The following ZFP1 variants were observed in gnomAD, a reference collection of about 807,000 sequenced individuals.
The protein encoded by ZFP1 is zinc finger protein 1 homolog.
ZFP1 carries 32 observed loss-of-function variants against 38.5 expected under a neutral mutation model. The ratio of observed to expected loss-of-function variants is 0.83; its 90% CI spans 0.63 to 1.12. The LOEUF is 1.12. ZFP1 is among the 50% of genes most tolerant of loss of function. The pLI is 0.00. For missense variants in ZFP1, 616 were observed against 480.8 expected (o/e 1.28, Z -2.63); for synonymous variants, 245 against 168.8 (o/e 1.45, Z -3.50).
At chr16:75,145,645 T>C (rs1158555568), upstream of ZFP1, among the ~76,000 whole-genome samples, 1 of 152,070 alleles carries the variant, frequency 6.6e-6, no homozygotes, top group East Asian at 1.9e-4. Flanking sequence ...GAAGAAGCAA[T>C]TGAGCATTGA....
chr16:75,139,378 A>AC, the ZFP1 span, among the ~76,000 whole-genome samples: 5 of 139,868 alleles, frequency 3.6e-5, 1 homozygote, highest in African/African-American at 1.6e-4. Context: ...CAAAAAAAAA[A>AC]AAAAAAAAAA....
At chr16:75,140,026 T>C in the ZFP1 span, among the ~76,000 whole-genome samples, 2 of 152,126 alleles carry the variant, frequency 1.3e-5, no homozygotes, top group African/African-American at 4.8e-5. Flanking sequence ...CCTCCCATTT[T>C]GGGAAGCCAA....
chr16:75,124,697 G>A, the ZFP1 span, among the ~76,000 whole-genome samples: 5 of 148,440 alleles, frequency 3.4e-5, no homozygotes, highest in East Asian at 1.0e-3. Flanking sequence ...TGAGGCAGGA[G>A]AATGGCATGA....
At chr16:75,138,900 A>G in the ZFP1 span, among the ~76,000 whole-genome samples, 1 of 152,190 alleles carries the variant, frequency 6.6e-6, no homozygotes, top group African/African-American at 2.4e-5. Context: ...CTTTGTGATG[A>G]CAGCTCTAGG....
At chr16:75,155,409 T>TGG (rs1476124999) in intron 2 of ZFP1, among the ~76,000 whole-genome samples, 1 of 152,216 alleles carries the variant, frequency 6.6e-6, no homozygotes, top group Non-Finnish European at 1.5e-5. Flanking sequence ...GTGCTGGCAT[T>TGG]ACAGGTGTGA....
At chr16:75,167,004 C>G (rs2038125098) in intron 3 of ZFP1, 108 bp downstream of exon 3, 5 of 1,515,044 alleles carry the variant, frequency 3.3e-6, no homozygotes, top group Non-Finnish European at 4.4e-6. Context: ...TGGCCTAAGT[C>G]CTCAGGTATT....
At chr16:75,159,391 C>G (rs1398643712) in intron 2 of ZFP1, among the ~76,000 whole-genome samples, 1 of 58,792 alleles carries the variant, frequency 1.7e-5, no homozygotes, top group African/African-American at 5.7e-5. Context: ...CTTCCTTTCT[C>G]TCTCTCTCTC....
intron 2 of ZFP1, chr16:75,166,553 A>T: frequency 1.0e-6 from 1 of 985,250 alleles, no homozygotes. Flanking sequence ...AATCTGAGAC[A>T]CCTATCAAAT....
intron 2 of ZFP1, chr16:75,166,424 C>G (rs528252687): frequency 2.6e-6 from 1 of 382,154 alleles, no homozygotes; most frequent in Non-Finnish European, 3.6e-6. Flanking sequence ...TGGGATTTCA[C>G]CATGTTGTCC....
At chr16:75,148,783 G>C (rs1319805240) in intron 1 of ZFP1, 140 bp downstream of exon 1, 1 of 152,280 alleles carries the variant, frequency 6.6e-6, no homozygotes, top group Non-Finnish European at 1.5e-5. Context: ...GCGGCGTCCG[G>C]GGTTGCCCGG....
chr16:75,170,580 C>T lies in ZFP1; in HGVS notation c.*246C>T, dbSNP rs2038371552. 2.3e-6 allele frequency: 1 copy of T among 435,650 alleles called. No homozygotes were observed. Among genetic ancestry groups the T allele is most frequent in the Non-Finnish European group, 3.8e-6 (1 of 262,850 alleles). The allele number at this position is 435,650 out of a possible 1,614,324, so 27.0% of individuals were successfully genotyped here. ...CCATACCCAGTTGTACTACAATGAG[C>T]TTTTTAAAATCTTGAATGAATTGAG... On this transcript the variant is annotated 3_prime_UTR_variant, in exon 4 of 4. Coordinates refer to ENST00000570010, the MANE Select transcript of ZFP1 (RefSeq NM_153688.4).
At position 75,171,309 on chromosome 16, in the gene ZFP1, G is replaced by A. The variant is rs1597096388; in HGVS notation, c.*975G>A. Reference sequence around the variant, plus strand: ...TAGTTCACAAATGTTACATTTCAGAGACTTTAGAGGAAAAATTATTTTAAA... The same window carrying A: ...TAGTTCACAAATGTTACATTTCAGAAACTTTAGAGGAAAAATTATTTTAAA... On this transcript the variant is annotated 3_prime_UTR_variant, in exon 4 of 4. Coordinates refer to ENST00000570010, the MANE Select transcript of ZFP1 (RefSeq NM_153688.4). 2.0e-5 allele frequency: 3 copies of A among 152,246 alleles called. No individual in the cohort carries two copies. In the South Asian group the frequency reaches 6.2e-4, roughly 32 times the overall value. The allele number at this position is 152,246 out of a possible 1,614,324, so 9.4% of individuals were successfully genotyped here. A position where few individuals can be genotyped will look rare whatever the true frequency, so the allele number is the denominator to read the frequency against.
At chr16:75,165,342 T>C (rs564249428) in intron 2 of ZFP1, among the ~76,000 whole-genome samples, 2 of 152,296 alleles carry the variant, frequency 1.3e-5, no homozygotes, top group Admixed American at 6.5e-5. Context: ...ATTGTTTTTG[T>C]TGAGAAATTA....
chr16:75,154,179 G>A (rs1000068594), intron 2 of ZFP1, among the ~76,000 whole-genome samples: 9 of 151,768 alleles, frequency 5.9e-5, no homozygotes, highest in Admixed American at 1.3e-4. Context: ...AGCTGAGATC[G>A]CGCCACTGAA....
the ZFP1 span, among the ~76,000 whole-genome samples, chr16:75,121,323 C>T: frequency 3.9e-4 from 60 of 151,986 alleles, no homozygotes; most frequent in Middle Eastern, 3.4e-3. Flanking sequence ...GACGGGGTTT[C>T]GCCGTGTTAG....
intron 1 of ZFP1, among the ~76,000 whole-genome samples, chr16:75,150,571 C>G (rs1029719450): frequency 1.3e-5 from 2 of 152,078 alleles, no homozygotes; most frequent in Non-Finnish European, 2.9e-5. Context: ...GGTCAGAATA[C>G]TGTGTTACGA....
At chr16:75,154,024 C>G (rs966836093) in intron 2 of ZFP1, among the ~76,000 whole-genome samples, 1 of 152,162 alleles carries the variant, frequency 6.6e-6, no homozygotes, top group Non-Finnish European at 1.5e-5. Context: ...CAAGACAATG[C>G]TGGCCAACAC....
chr16:75,151,084 C>T (rs1278382937), intron 1 of ZFP1, among the ~76,000 whole-genome samples: 1 of 152,028 alleles, frequency 6.6e-6, no homozygotes, highest in Non-Finnish European at 1.5e-5. Context: ...GTCTCAAACC[C>T]CTGGGCTCAA....
At chr16:75,126,522 G>A in the ZFP1 span, among the ~76,000 whole-genome samples, 3 of 152,154 alleles carry the variant, frequency 2.0e-5, no homozygotes, top group African/African-American at 7.2e-5. Context: ...TCCTGCCTCA[G>A]CCTCCTGGGT....
Sources: gnomAD v4.1 joint callset for allele counts (sites outside exome capture counted in the v4.1 genomes callset) on GRCh38, gnomAD v4.1.1 for gene constraint, MANE v1.5 for transcripts, NCBI Gene and HGNC (gene_info 2026-07-23, HGNC 2026-07-21) for gene names.